Variants in ARID5B observed in about 807,000 individuals in gnomAD.
ARID5B encodes the protein AT-rich interactive domain-containing protein 5B.
Under a neutral mutation model 97.2 loss-of-function variants are expected in ARID5B, and 13 were observed. The ratio of observed to expected loss-of-function variants is 0.13; its 90% confidence interval spans 0.09 to 0.21. ARID5B has a LOEUF of 0.21. Ranked by LOEUF, ARID5B falls within the 10% of genes least tolerant of loss-of-function variation. The pLI is 1.00. For synonymous variants in ARID5B, 556 were observed against 570.3 expected, an observed-to-expected ratio of 0.97 and a Z score of 0.36; for missense variants, 1,210 against 1,465.3, an observed-to-expected ratio of 0.83 and a Z score of 2.84.
intron 8 of ARID5B, among the ~76,000 whole-genome samples, chr10:62,078,115 C>T (rs1392274286): frequency 6.6e-6 from 1 of 152,202 alleles, no homozygotes; most frequent in Non-Finnish European, 1.5e-5. Flanking sequence ...ATGCATGGGG[C>T]TTAAATGCAA....
In ARID5B at chr10:62,093,559, T is replaced by A. The variant is rs1248251202; in HGVS notation, c.*529T>A. On this transcript the variant is annotated 3_prime_UTR_variant, in exon 10 of 10. Transcript: ENST00000279873. ...GAGAAGTAAACACTGTTAAATTGAC[T>A]GTATATATTTGCTTCTTAAAACTAC... 4.3e-6 allele frequency: 1 copy of A among 233,700 alleles called. No individual in the cohort carries two copies. Among genetic ancestry groups the A allele is most frequent in the Non-Finnish European group, 8.5e-6 (1 of 118,256 alleles). 14.5% of individuals were successfully genotyped at this position (233,700 alleles called of 1,614,324 possible). A position where few individuals can be genotyped will look rare whatever the true frequency, so the allele number is the denominator to read the frequency against.
At chr10:62,040,118 C>T (rs1839616271) in intron 4 of ARID5B, among the ~76,000 whole-genome samples, 1 of 151,988 alleles carries the variant, frequency 6.6e-6, no homozygotes, top group Admixed American at 6.6e-5. Flanking sequence ...TTAGCTAGTT[C>T]CTTCCCCTCT....
intron 2 of ARID5B, among the ~76,000 whole-genome samples, chr10:61,914,436 T>C (rs1354936344): frequency 6.6e-6 from 1 of 152,252 alleles, no homozygotes; most frequent in Non-Finnish European, 1.5e-5. Context: ...CAAAGATTTC[T>C]GTTCTCAGAG....
intron 6 of ARID5B, among the ~76,000 whole-genome samples, chr10:62,058,226 T>C (rs1839881538): frequency 6.6e-6 from 1 of 152,218 alleles, no homozygotes; most frequent in Non-Finnish European, 1.5e-5. Flanking sequence ...TTGCTTGAAA[T>C]AGAAGTAAAA....
chr10:62,091,614 C>G lies in ARID5B; in HGVS notation c.2151C>G (p.Ile717Met). Residue 717 changes from isoleucine to methionine, a missense_variant, in exon 10 of 10, where the codon ATC (isoleucine) becomes ATG (methionine). By Grantham distance (10) the Ile-to-Met change is conservative (BLOSUM62 1). This residue lies in a region of ARID5B where 800 missense variants were observed against 839.1 expected (regional missense o/e 0.95). Coordinates refer to ENST00000279873, the MANE Select transcript of ARID5B (RefSeq NM_032199.3). Reference sequence around the variant, plus strand: ...CTTATGGCTCCCCACCCCCTTTGATCAGCAAAAAGAAACTGATTGCTAGGG... The same window carrying G: ...CTTATGGCTCCCCACCCCCTTTGATGAGCAAAAAGAAACTGATTGCTAGGG... Reference protein sequence around the residue: ...SYPYGSPPPLISKKKLIARDD... With the variant: ...SYPYGSPPPLMSKKKLIARDD... The G allele has an allele frequency of 2.5e-6, 4 of 1,613,632 alleles. No individual in the cohort carries two copies. Among genetic ancestry groups the G allele is most frequent in the Non-Finnish European group, 3.4e-6 (4 of 1,179,832 alleles).
At chr10:62,073,177 T>C (rs552792583) in intron 8 of ARID5B, among the ~76,000 whole-genome samples, 31 of 152,348 alleles carry the variant, frequency 2.0e-4, no homozygotes, top group African/African-American at 7.2e-4. Context: ...TCTGTTCTCA[T>C]TCTTTTCACT....
chr10:61,999,088 C>T (rs1431058936), intron 3 of ARID5B, among the ~76,000 whole-genome samples: 1 of 152,102 alleles, frequency 6.6e-6, no homozygotes, highest in African/African-American at 2.4e-5. Flanking sequence ...ATTTCATTGG[C>T]CAAGGAAAGT....
At chr10:62,004,536 A>G (rs1175530057) in intron 4 of ARID5B, among the ~76,000 whole-genome samples, 1 of 152,226 alleles carries the variant, frequency 6.6e-6, no homozygotes, top group African/African-American at 2.4e-5. Flanking sequence ...TATTCTGTGC[A>G]TAATTCCTGC....
chr10:61,901,997 A>G (rs370822864), intron 1 of ARID5B, among the ~76,000 whole-genome samples, 162 bp from the exon 2 acceptor site: 2 of 139,524 alleles, frequency 1.4e-5, no homozygotes, highest in African/African-American at 2.7e-5. Flanking sequence ...TTTTTTAGGG[A>G]AGCAGAAAAT....
At chr10:62,089,240 G>A (rs941844280) in intron 9 of ARID5B, among the ~76,000 whole-genome samples, 1 of 152,084 alleles carries the variant, frequency 6.6e-6, no homozygotes, top group Non-Finnish European at 1.5e-5. Context: ...ACTGGAAAAG[G>A]CAGCTACTAG....
rs2132763520 is a variant in ARID5B, at chr10:61,915,632, G to GAAAGAA, written c.276+13219_276+13220insAAAGAA. 4.6e-5 allele frequency among the ~76,000 whole-genome samples: 7 copies of GAAAGAA among 152,198 alleles called. No homozygotes were observed. In the South Asian group the frequency reaches 6.2e-4, roughly 14 times the overall value. ...GTCTAGGTATCATCTAGACACCTGGGGTGCATATTTAGAGCTAATGTACAT... is the reference window on the plus strand; with the variant it reads ...GTCTAGGTATCATCTAGACACCTGGGAAAGAAGTGCATATTTAGAGCTAATGTACAT... On this transcript the variant is annotated intron_variant, in intron 2 of 9. Transcript: ENST00000279873.
At chr10:62,071,303 G>A (rs1157479406) in intron 8 of ARID5B, among the ~76,000 whole-genome samples, 1 of 151,956 alleles carries the variant, frequency 6.6e-6, no homozygotes, top group Non-Finnish European at 1.5e-5. Flanking sequence ...CAAAGTGCTG[G>A]GATTACAGGC....
At chr10:61,947,837 G>A (rs956628811) in intron 3 of ARID5B, among the ~76,000 whole-genome samples, 2 of 152,162 alleles carry the variant, frequency 1.3e-5, no homozygotes, top group African/African-American at 2.4e-5. Flanking sequence ...ACAGCTGGTC[G>A]TTGATAATGC....
chr10:62,067,565 C>A (rs1467336710), intron 7 of ARID5B, among the ~76,000 whole-genome samples: 2 of 152,236 alleles, frequency 1.3e-5, no homozygotes, highest in Admixed American at 1.3e-4. Context: ...AACAGTGATT[C>A]CCACAGTTAC....
intron 3 of ARID5B, among the ~76,000 whole-genome samples, chr10:61,994,587 G>T (rs1465055779): frequency 6.6e-6 from 1 of 152,190 alleles, no homozygotes; most frequent in East Asian, 1.9e-4. Flanking sequence ...CAGAATGAAG[G>T]CCTGCTCTTA....
At chr10:61,981,394 G>A (rs2132845920) in intron 3 of ARID5B, among the ~76,000 whole-genome samples, 1 of 152,196 alleles carries the variant, frequency 6.6e-6, no homozygotes, top group Admixed American at 6.5e-5. Context: ...CGATTCTCCT[G>A]CCTCACCCTC....
chr10:62,073,132 A>T (rs1471494624), intron 8 of ARID5B, among the ~76,000 whole-genome samples: 4 of 152,188 alleles, frequency 2.6e-5, no homozygotes, highest in African/African-American at 9.7e-5. Flanking sequence ...CCAAATCAGG[A>T]TGATGAGAGC....
chr10:62,038,072 T>C (rs571205867), intron 4 of ARID5B, among the ~76,000 whole-genome samples: 1 of 152,340 alleles, frequency 6.6e-6, no homozygotes, highest in Admixed American at 6.5e-5. Context: ...CTCATGTACT[T>C]TGCCCTGACT....
In ARID5B at chr10:62,069,684, A is replaced by G. The variant is rs1840037021; in HGVS notation, c.1102-16A>G. On this transcript the variant is annotated splice_polypyrimidine_tract_variant and intron_variant, in intron 7 of 9. Transcript: ENST00000279873. ...CTTATGATGTAAGATTGAATTTCCCATTGCCATTTTTTCAGATAACAGCCC... is the reference window on the plus strand; with the variant it reads ...CTTATGATGTAAGATTGAATTTCCCGTTGCCATTTTTTCAGATAACAGCCC... 1 of 1,610,750 alleles carries G rather than the reference A, an allele frequency of 6.2e-7. No individual in the cohort carries two copies. Among genetic ancestry groups the G allele is most frequent in the East Asian group, 2.2e-5 (1 of 44,850 alleles).
Sources: gnomAD v4.1 joint callset for allele counts (sites outside exome capture counted in the v4.1 genomes callset) on GRCh38, gnomAD v4.1.1 for gene constraint, gnomAD v4.1.1 regional missense constraint, MANE v1.5 for transcripts, NCBI Gene and HGNC (gene_info 2026-07-23, HGNC 2026-07-21) for gene names.